PTPRE: variants seen among roughly 807,000 people sequenced by gnomAD.
PTPRE encodes the protein protein tyrosine phosphatase receptor type E.
Under a neutral mutation model 102.0 loss-of-function variants are expected in PTPRE, and 51 were observed. The observed-to-expected ratio is 0.50, with a 90% CI of 0.40 to 0.63. PTPRE has a LOEUF of 0.63. Among genes scored for constraint, PTPRE ranks in the 30% least tolerant of loss-of-function variants. The pLI, the probability that PTPRE is intolerant of heterozygous loss-of-function variation, is 0.00. For synonymous variants in PTPRE, 345 were observed against 348.2 expected (o/e 0.99, Z 0.10); for missense variants, 752 against 915.1 (o/e 0.82, Z 2.30).
At chr10:128,002,275 G>A (rs545735127) in intron 2 of PTPRE, among the ~76,000 whole-genome samples, 9 of 152,292 alleles carry the variant, frequency 5.9e-5, no homozygotes, top group South Asian at 2.1e-4. Context: ...AGGGTGCTGC[G>A]GGCATCGAGG....
intron 1 of PTPRE, among the ~76,000 whole-genome samples, chr10:127,962,318 G>A (rs959357850): frequency 6.6e-6 from 1 of 152,216 alleles, no homozygotes; most frequent in Non-Finnish European, 1.5e-5. Flanking sequence ...GCACATGCCA[G>A]GCCACGGGGC....
At chr10:127,924,624 A>G (rs1846875601) in intron 1 of PTPRE, among the ~76,000 whole-genome samples, 1 of 152,220 alleles carries the variant, frequency 6.6e-6, no homozygotes, top group South Asian at 2.1e-4. Flanking sequence ...CCCTCCGCCC[A>G]ACTTCCCTCA....
intron 8 of PTPRE, 75 bp downstream of exon 8, chr10:128,061,090 C>T (rs112189486): frequency 2.2e-5 from 32 of 1,450,012 alleles, no homozygotes; most frequent in East Asian, 1.4e-4. Flanking sequence ...GTCTGGTGCC[C>T]GGAGTGTAAA....
At chr10:128,021,875 T>G (rs527674578) in intron 2 of PTPRE, among the ~76,000 whole-genome samples, 1 of 152,350 alleles carries the variant, frequency 6.6e-6, no homozygotes, top group East Asian at 1.9e-4. Flanking sequence ...AGGGTCAGCT[T>G]CTTTGACTCT....
At chr10:128,076,861 A>C in intron 18 of PTPRE, 133 bp downstream of exon 18, 1 of 1,249,266 alleles carries the variant, frequency 8.0e-7, no homozygotes, top group Non-Finnish European at 1.1e-6. Context: ...ATTGGCTATG[A>C]ATGGCCAATG....
At chr10:127,952,708 G>A (rs1392650670) in intron 1 of PTPRE, among the ~76,000 whole-genome samples, 1 of 152,172 alleles carries the variant, frequency 6.6e-6, no homozygotes, top group African/African-American at 2.4e-5. Flanking sequence ...TGTGCTGGGT[G>A]TGCCTGCTTA....
At chr10:128,011,860 C>A (rs936215440) in intron 2 of PTPRE, among the ~76,000 whole-genome samples, 3 of 152,206 alleles carry the variant, frequency 2.0e-5, no homozygotes, top group African/African-American at 7.2e-5. Flanking sequence ...CTGTCACTGT[C>A]CCCCTCCCAC....
Position 128,063,174 on chromosome 10 carries a change from GA to G in PTPRE, c.720del (p.Glu241ArgfsTer74), listed in dbSNP as rs781060954. On this transcript the variant is annotated frameshift_variant, in exon 10 of 21. Transcript: ENST00000254667. LOFTEE classifies it high-confidence loss of function. ...TCATGTTAACAAACTTGAAAGAAAG[GA>G]AAGAGGTGAGTTCCAGGCATCTGGC... is the stretch of plus-strand genomic sequence containing the variant. ...IVMLTNLKER[K>X]EEKCHQYWPD... 5 of 1,614,152 alleles carry G rather than the reference GA, an allele frequency of 3.1e-6. No individual in the cohort carries two copies. The South Asian group carries it at 5.5e-5, about 18-fold the overall frequency.
At chr10:127,930,973 A>C (rs1847393136) in intron 1 of PTPRE, among the ~76,000 whole-genome samples, 1 of 151,774 alleles carries the variant, frequency 6.6e-6, no homozygotes, top group Non-Finnish European at 1.5e-5. Flanking sequence ...TTGTATTTTT[A>C]ATAGGGACGG....
rs1385864086 is a variant in PTPRE, at chr10:127,944,853, C to T, written c.-30-37421C>T. Reference sequence around the variant, plus strand: ...TGAGATGGAGAGAGTGGGCAGATTCCACACATTTTTAGAAAGCCTGAAGAT... The same window carrying T: ...TGAGATGGAGAGAGTGGGCAGATTCTACACATTTTTAGAAAGCCTGAAGAT... On this transcript the variant is annotated intron_variant, in intron 1 of 20. Coordinates refer to ENST00000254667, the MANE Select transcript of PTPRE (RefSeq NM_006504.6). The surrounding 1 kb of genome is among the most constrained non-coding windows in gnomAD (Gnocchi z 4.2). Among the ~76,000 whole-genome samples, 3 of 152,028 alleles carry T rather than the reference C, an allele frequency of 2.0e-5. No individual in the cohort carries two copies. The highest frequency in any genetic ancestry group is 1.3e-4 in the Admixed American group (2 of 15,262).
chr10:127,913,133 C>T (rs1305590415), intron 1 of PTPRE, among the ~76,000 whole-genome samples: 1 of 152,178 alleles, frequency 6.6e-6, no homozygotes, highest in East Asian at 1.9e-4. Context: ...GCCAAGGCAG[C>T]TGCACGGGGA....
chr10:127,984,308 C>T (rs575004065), intron 2 of PTPRE, among the ~76,000 whole-genome samples: 1 of 151,858 alleles, frequency 6.6e-6, no homozygotes, highest in East Asian at 1.9e-4. Flanking sequence ...CTCGAACTCC[C>T]GACCTCAGGT....
chr10:128,068,283 G>A lies in PTPRE; in HGVS notation c.1004G>A (p.Cys335Tyr). 1 of 1,612,112 alleles carries A rather than the reference G, an allele frequency of 6.2e-7. No homozygotes were observed. Residue 335 changes from cysteine (C) to tyrosine (Y), a missense_variant, in exon 12 of 21, where the codon TGT becomes TAT. By Grantham distance (194) the Cys-to-Tyr change is radical. Coordinates refer to ENST00000254667, the MANE Select transcript of PTPRE (RefSeq NM_006504.6). The stretch of plus-strand genomic sequence containing the variant: ...CACGCTGGGCCCATCGTGGTCCACT[G>A]TAGGTACGCTGTGGGGGCCACGGGG... ...PVHAGPIVVH[C>Y]SAGVGRTGTF...
At chr10:128,063,042 C>T (rs1329938474) in intron 9 of PTPRE, 41 bp from the exon 10 acceptor site, 1 of 1,611,600 alleles carries the variant, frequency 6.2e-7, no homozygotes, top group East Asian at 2.2e-5. Context: ...AAGGGACTTC[C>T]CTTCATGCCT....
chr10:128,084,710 C>T lies in PTPRE; in HGVS notation c.*1804C>T, dbSNP rs2136106937. 1 of 153,980 alleles carries T rather than the reference C, an allele frequency of 6.5e-6. No homozygotes were observed. The highest frequency in any genetic ancestry group is 2.4e-5 in the African/African-American group (1 of 41,614). 9.5% of individuals were successfully genotyped at this position (153,980 alleles called of 1,614,324 possible). A position where few individuals can be genotyped will look rare whatever the true frequency, so the allele number is the denominator to read the frequency against. ...GTTTTCACCATTAAAATTCCAAACC[C>T]AAAGCCTTTGTTTGACTGAAGGAGA... On this transcript the variant is annotated 3_prime_UTR_variant, in exon 21 of 21. Coordinates refer to ENST00000254667, the MANE Select transcript of PTPRE (RefSeq NM_006504.6).
intron 2 of PTPRE, among the ~76,000 whole-genome samples, chr10:128,009,118 C>G (rs2135595815): frequency 6.6e-6 from 1 of 152,310 alleles, no homozygotes; most frequent in South Asian, 2.1e-4. Flanking sequence ...CAGCTGGGAG[C>G]TGCAGCATCC....
chr10:128,074,233 A>G (rs1046907487), intron 17 of PTPRE, among the ~76,000 whole-genome samples: 11 of 152,248 alleles, frequency 7.2e-5, no homozygotes, highest in African/African-American at 2.7e-4. Flanking sequence ...TTCAAGGTTC[A>G]TCTATGTTGT....
chr10:127,931,179 T>A (rs1420130310), intron 1 of PTPRE, among the ~76,000 whole-genome samples: 3 of 152,222 alleles, frequency 2.0e-5, no homozygotes, highest in Non-Finnish European at 4.4e-5. Context: ...ATTTCCCTAG[T>A]GACTCACAGT....
intron 18 of PTPRE, 48 bp downstream of exon 18, chr10:128,076,776 G>A (rs747111649): frequency 2.3e-5 from 37 of 1,604,060 alleles, no homozygotes; most frequent in Admixed American, 5.2e-5. Context: ...AGTGAACCAC[G>A]CCCTCCCTCT....
Sources: allele counts gnomAD v4.1 joint callset (sites outside exome capture counted in the v4.1 genomes callset), GRCh38; gene constraint gnomAD v4.1.1; non-coding constraint Gnocchi (gnomAD v3.1); transcripts MANE v1.5; gene names NCBI Gene and HGNC (gene_info 2026-07-23, HGNC 2026-07-21).